Variants in KCNJ8 observed in about 807,000 individuals in gnomAD.
The protein encoded by KCNJ8 is ATP-sensitive inward rectifier potassium channel 8.
A neutral mutation model predicts 28.2 loss-of-function variants in KCNJ8; 13 were observed. The ratio of observed to expected loss-of-function variants is 0.46; its 90% CI spans 0.30 to 0.73. KCNJ8 has a LOEUF of 0.73. KCNJ8 is among the 30% of genes least tolerant of loss of function. The pLI is 0.07. For missense variants in KCNJ8, 284 were observed against 542.6 expected, an observed-to-expected ratio of 0.52 and a Z score of 4.73; for synonymous variants, 188 against 195.9, an observed-to-expected ratio of 0.96 and a Z score of 0.34.
Position 21,773,732 on chromosome 12 carries a change from C to T in KCNJ8, c.-70-46G>A. ...TTAAAAACTTAAAAACCCACCCTAT[C>T]CTCACCTCTTGGGTCCTTGTATTCA... On this transcript the variant is annotated intron_variant, in intron 1 of 2. Transcript: ENST00000240662. This position sits in a 1 kb window ranked among gnomAD's most constrained non-coding sequence, Gnocchi z 4.6. 1.4e-6 allele frequency: 2 copies of T among 1,407,148 alleles called. No individual in the cohort carries two copies. Among genetic ancestry groups the T allele is most frequent in the Non-Finnish European group, 9.9e-7 (1 of 1,008,848 alleles). 87.2% of individuals were successfully genotyped at this position (1,407,148 alleles called of 1,614,324 possible). A position where few individuals can be genotyped will look rare whatever the true frequency, so the allele number is the denominator to read the frequency against.
At chr12:21,770,748 C>G (rs1940737970) in intron 2 of KCNJ8, among the ~76,000 whole-genome samples, 1 of 152,238 alleles carries the variant, frequency 6.6e-6, no homozygotes, top group Admixed American at 6.5e-5. Context: ...ACAACAAGTA[C>G]TGCTGTGGCT....
chr12:21,767,582 C>T (rs1034725978), intron 2 of KCNJ8, among the ~76,000 whole-genome samples: 2 of 152,194 alleles, frequency 1.3e-5, no homozygotes, highest in African/African-American at 4.8e-5. Context: ...CCCCATCCCC[C>T]ACCCCCATCA....
At chr12:21,769,070 A>G (rs1375726967) in intron 2 of KCNJ8, among the ~76,000 whole-genome samples, 2 of 152,188 alleles carry the variant, frequency 1.3e-5, no homozygotes, top group Non-Finnish European at 2.9e-5. Context: ...TTTCTATTGG[A>G]AGAAGATGTT....
Position 21,766,682 on chromosome 12 carries a change from T to C in KCNJ8, c.375-59A>G, listed in dbSNP as rs907528847. The C allele has an allele frequency of 7.4e-7, 1 of 1,360,488 alleles. No individual in the cohort carries two copies. Among genetic ancestry groups the C allele is most frequent in the African/African-American group, 1.4e-5 (1 of 70,286 alleles). The allele number at this position is 1,360,488 out of a possible 1,614,324, so 84.3% of individuals were successfully genotyped here. On this transcript the variant is annotated intron_variant, in intron 2 of 2. Coordinates refer to ENST00000240662, the MANE Select transcript of KCNJ8 (RefSeq NM_004982.4). The surrounding 1 kb of genome is among the most constrained non-coding windows in gnomAD (Gnocchi z 6.5). ...AGGTCACATTTTGAATAATGAAATA[T>C]GCCAAGCTGAGCTTTTCATTTTCTT...
At chr12:21,770,563 T>C (rs553715444) in intron 2 of KCNJ8, among the ~76,000 whole-genome samples, 2 of 152,348 alleles carry the variant, frequency 1.3e-5, no homozygotes, top group South Asian at 4.1e-4. Context: ...TAGGATTTTC[T>C]TGGGAAGCTT....
chr12:21,765,517 T>A lies in KCNJ8; in HGVS notation c.*206A>T, dbSNP rs1361971766. 2 of 611,046 alleles carry A rather than the reference T, an allele frequency of 3.3e-6. No individual in the cohort carries two copies. Among genetic ancestry groups the A allele is most frequent in the Admixed American group, 5.5e-5 (2 of 36,456 alleles). 37.9% of individuals were successfully genotyped at this position (611,046 alleles called of 1,614,324 possible). On this transcript the variant is annotated 3_prime_UTR_variant, in exon 3 of 3. Transcript: ENST00000240662. ...AGTATATCACTGCGAATTCTACATG[T>A]ATGAAACAAGCATAAGCCATGAATC...
intron 2 of KCNJ8, among the ~76,000 whole-genome samples, chr12:21,770,703 A>G (rs1046663932): frequency 6.6e-6 from 1 of 152,214 alleles, no homozygotes; most frequent in Non-Finnish European, 1.5e-5. Flanking sequence ...GGGAAGCACC[A>G]CATTTGTTAC....
In KCNJ8 at chr12:21,773,687, C is replaced by T. The variant is rs1164991751; in HGVS notation, c.-70-1G>A. On this transcript the variant is annotated splice_acceptor_variant, in intron 1 of 2. Transcript: ENST00000240662. LOFTEE classifies it low-confidence loss of function (5UTR_SPLICE). The surrounding 1 kb of genome is among the most constrained non-coding windows in gnomAD (Gnocchi z 4.6). ...TCTCCGTCCCTGGACACCCGTCCTC[C>T]TGCACGAGGGAAACATTTATTAAAA... The T allele has an allele frequency of 6.3e-7, 1 of 1,595,164 alleles. No individual in the cohort carries two copies. Among genetic ancestry groups the T allele is most frequent in the Non-Finnish European group, 8.5e-7 (1 of 1,173,354 alleles).
intron 2 of KCNJ8, among the ~76,000 whole-genome samples, chr12:21,770,185 C>G (rs1428515801): frequency 6.6e-6 from 1 of 152,140 alleles, no homozygotes; most frequent in African/African-American, 2.4e-5. Context: ...CTACCCAGAT[C>G]AATCAGCAGC....
rs1245692296 is a variant in KCNJ8 at position 21,774,566 on chromosome 12, G to C, written c.-91C>G. 1 of 152,186 alleles carries C rather than the reference G, an allele frequency of 6.6e-6. No homozygotes were observed. The highest frequency in any genetic ancestry group is 2.4e-5 in the African/African-American group (1 of 41,456). 9.4% of individuals were successfully genotyped at this position (152,186 alleles called of 1,614,324 possible). On this transcript the variant is annotated 5_prime_UTR_variant, in exon 1 of 3. Coordinates refer to ENST00000240662, the MANE Select transcript of KCNJ8 (RefSeq NM_004982.4). Reference sequence around the variant, plus strand: ...CTTACAGACTCCGGGTAGCGGGCGCGGCGGCTGGACCTCCTTGCACACGCC... The same window carrying C: ...CTTACAGACTCCGGGTAGCGGGCGCCGCGGCTGGACCTCCTTGCACACGCC...
At chr12:21,769,992 G>C (rs1397720461) in intron 2 of KCNJ8, among the ~76,000 whole-genome samples, 2 of 152,242 alleles carry the variant, frequency 1.3e-5, no homozygotes, top group Non-Finnish European at 2.9e-5. Context: ...TGATAAAGCA[G>C]TGGCAGGTTT....
In KCNJ8 at chr12:21,766,771, T is replaced by G; in HGVS notation, c.375-148A>C. 1.4e-6 allele frequency: 1 copy of G among 708,836 alleles called. No homozygotes were observed. The highest frequency in any genetic ancestry group is 2.1e-5 in the Admixed American group (1 of 47,748). 43.9% of individuals were successfully genotyped at this position (708,836 alleles called of 1,614,324 possible). The stretch of plus-strand genomic sequence containing the variant: ...AACTTAAACTTGTAAAATGCCTAAT[T>G]CTAAACTGTGTTTAGAACAGTCTCT... On this transcript the variant is annotated intron_variant, in intron 2 of 2. Transcript: ENST00000240662. The surrounding 1 kb of genome is among the most constrained non-coding windows in gnomAD (Gnocchi z 6.5).
At position 21,765,720 on chromosome 12, in the gene KCNJ8, C is replaced by A. The variant is rs753250165; in HGVS notation, c.*3G>T. On this transcript the variant is annotated 3_prime_UTR_variant, in exon 3 of 3. Transcript: ENST00000240662. The stretch of plus-strand genomic sequence containing the variant: ...AAAAGACTGTCTTGGGGTTATCTTG[C>A]TGTCATGATTCCGATGTGTTTTGAT... 1.2e-6 allele frequency: 2 copies of A among 1,613,374 alleles called. No homozygotes were observed. The highest frequency in any genetic ancestry group is 3.3e-5 in the Admixed American group (2 of 59,998).
rs891881310 is a variant in KCNJ8, at chr12:21,766,847, T to G, written c.375-224A>C. The G allele has an allele frequency of 3.4e-6, 2 of 586,554 alleles. No homozygotes were observed. The highest frequency in any genetic ancestry group is 6.1e-6 in the Non-Finnish European group (2 of 330,126). The allele number at this position is 586,554 out of a possible 1,614,324, so 36.3% of individuals were successfully genotyped here. On this transcript the variant is annotated intron_variant, in intron 2 of 2. Coordinates refer to ENST00000240662, the MANE Select transcript of KCNJ8 (RefSeq NM_004982.4). The surrounding 1 kb of genome is among the most constrained non-coding windows in gnomAD (Gnocchi z 6.5). Reference sequence around the variant, plus strand: ...AGACTTCTGGAGATTAACATTCTATTAATTAAGTTCCCTTAAGCTAAGGCC... The same window carrying G: ...AGACTTCTGGAGATTAACATTCTATGAATTAAGTTCCCTTAAGCTAAGGCC...
At position 21,769,353 on chromosome 12, in the gene KCNJ8, GAA is replaced by G. The variant is rs34764592; in HGVS notation, c.375-2732_375-2731del. On this transcript the variant is annotated intron_variant, in intron 2 of 2. Coordinates refer to ENST00000240662, the MANE Select transcript of KCNJ8 (RefSeq NM_004982.4). ...GCCCACTGCTGAGACTTACTGCTCA[GAA>G]AAAAAGATTCCTCCAAAATATTATT... is the stretch of plus-strand genomic sequence containing the variant. 4.7e-3 allele frequency among the ~76,000 whole-genome samples: 719 copies of G among 152,204 alleles called. 10 individuals are homozygous for G. The highest frequency in any genetic ancestry group is 0.016 in the African/African-American group (673 of 41,534).
chr12:21,768,234 G>T (rs1247689462), intron 2 of KCNJ8, among the ~76,000 whole-genome samples: 2 of 152,134 alleles, frequency 1.3e-5, no homozygotes, highest in Admixed American at 1.3e-4. Context: ...GGTAATGTTT[G>T]CTCCCCCACT....
At chr12:21,768,148 C>T (rs1288634371) in intron 2 of KCNJ8, among the ~76,000 whole-genome samples, 2 of 152,116 alleles carry the variant, frequency 1.3e-5, no homozygotes, top group South Asian at 2.1e-4. Context: ...CCCTCACCTT[C>T]GCAGTTCACC....
At chr12:21,770,744 AGTACT>A (rs1940737901) in intron 2 of KCNJ8, among the ~76,000 whole-genome samples, 1 of 152,250 alleles carries the variant, frequency 6.6e-6, no homozygotes, top group South Asian at 2.1e-4. Flanking sequence ...TTTCACAACA[AGTACT>A]GCTGTGGCTT....
chr12:21,766,726 T>C lies in KCNJ8; in HGVS notation c.375-103A>G, dbSNP rs1348721088. ...TTTTCTTCCACCAAAGACTATTAAA[T>C]GCTTGCAGAAAGACTAGCCAACTTA... is the stretch of plus-strand genomic sequence containing the variant. On this transcript the variant is annotated intron_variant, in intron 2 of 2. Transcript: ENST00000240662. The surrounding 1 kb of genome is among the most constrained non-coding windows in gnomAD (Gnocchi z 6.5). 5 of 985,658 alleles carry C rather than the reference T, an allele frequency of 5.1e-6. No homozygotes were observed. Among genetic ancestry groups the C allele is most frequent in the African/African-American group, 3.2e-5 (2 of 62,468 alleles). The allele number at this position is 985,658 out of a possible 1,614,324, so 61.1% of individuals were successfully genotyped here. A position where few individuals can be genotyped will look rare whatever the true frequency, so the allele number is the denominator to read the frequency against.
Sources: allele counts gnomAD v4.1 joint callset (sites outside exome capture counted in the v4.1 genomes callset), GRCh38; gene constraint gnomAD v4.1.1; non-coding constraint Gnocchi (gnomAD v3.1); transcripts MANE v1.5; gene names NCBI Gene and HGNC (gene_info 2026-07-23, HGNC 2026-07-21).